SLC25A48: variants seen among roughly 807,000 people sequenced by gnomAD.
SLC25A48 encodes CTC-321K16.1.
A neutral mutation model predicts 32.2 loss-of-function variants in SLC25A48; 29 were observed. The observed-to-expected ratio is 0.90, with a 90% CI of 0.67 to 1.23. The LOEUF (loss-of-function observed/expected upper bound fraction) is 1.23, where lower values mean the gene tolerates loss of function less well. Among genes scored for constraint, SLC25A48 ranks in the 50% most tolerant of loss-of-function variants. The probability of loss-of-function intolerance (pLI) is 0.00; values close to 1 mark genes in which losing one functional copy is unlikely to be tolerated. For synonymous variants in SLC25A48, 164 were observed against 172.3 expected, an observed-to-expected ratio of 0.95 and a Z score of 0.38; for missense variants, 399 against 422.7, an observed-to-expected ratio of 0.94 and a Z score of 0.49.
At chr5:135,619,718 T>G (rs1752278042) in intron 1 of SLC25A48, among the ~76,000 whole-genome samples, 1 of 152,160 alleles carries the variant, frequency 6.6e-6, no homozygotes, top group African/African-American at 2.4e-5. Context: ...TGATTCTGGG[T>G]GTGTTCAATA....
chr5:135,858,294 CATT>C (rs1244409703), intron 4 of SLC25A48, among the ~76,000 whole-genome samples: 8 of 152,192 alleles, frequency 5.3e-5, no homozygotes, highest in African/African-American at 1.9e-4. Flanking sequence ...AGCTTTGAGC[CATT>C]AGAACCTGGG....
intron 3 of SLC25A48, among the ~76,000 whole-genome samples, chr5:135,687,088 G>T (rs1417764376): frequency 6.6e-6 from 1 of 152,060 alleles, no homozygotes; most frequent in African/African-American, 2.4e-5. Context: ...CATGCCCAAA[G>T]ATCATGAAGT....
intron 3 of SLC25A48, among the ~76,000 whole-genome samples, chr5:135,784,577 A>T (rs1208762231): frequency 8.5e-6 from 1 of 118,178 alleles, no homozygotes; most frequent in African/African-American, 2.6e-5. Flanking sequence ...CCACCACGTG[A>T]TATTGTTTCT....
chr5:135,695,279 C>T (rs558654870), intron 3 of SLC25A48, among the ~76,000 whole-genome samples: 25 of 130,824 alleles, frequency 1.9e-4, no homozygotes, highest in African/African-American at 6.2e-4. Flanking sequence ...GCTCTGTCTT[C>T]GCAGCCATCT....
chr5:135,685,200 C>CT (rs976529017), intron 3 of SLC25A48, among the ~76,000 whole-genome samples: 21 of 151,426 alleles, frequency 1.4e-4, no homozygotes, highest in African/African-American at 4.8e-4. Context: ...ATTTGCATCT[C>CT]TTTTTTTTCT....
At position 135,871,819 on chromosome 5, in the gene SLC25A48, C is replaced by T. The variant is rs779358509; in HGVS notation, c.679+101C>T. 21 of 1,564,338 alleles carry T rather than the reference C, an allele frequency of 1.3e-5. No homozygotes were observed. In the African/African-American group the frequency reaches 2.2e-4, roughly 16 times the overall value. ...TTCTCAGCCCAGGGGGAGGGCAGGA[C>T]ACATTTAGGTACTCACCCAACAATT... On this transcript the variant is annotated intron_variant, in intron 5 of 7. Coordinates refer to ENST00000681962, the MANE Select transcript of SLC25A48 (RefSeq NM_001349336.2).
At chr5:135,652,350 C>T (rs1319853663) in intron 3 of SLC25A48, 3 of 455,514 alleles carry the variant, frequency 6.6e-6, no homozygotes, top group Non-Finnish European at 1.3e-5. Context: ...TAGAAATCGA[C>T]TTACCTTCTT....
intron 3 of SLC25A48, among the ~76,000 whole-genome samples, chr5:135,718,765 G>C (rs1378798494): frequency 6.6e-6 from 1 of 151,900 alleles, no homozygotes; most frequent in Non-Finnish European, 1.5e-5. Context: ...GTTACTTACT[G>C]TATGATTCCA....
chr5:135,651,266 A>G (rs1225302761), intron 3 of SLC25A48, among the ~76,000 whole-genome samples: 1 of 151,934 alleles, frequency 6.6e-6, no homozygotes, highest in African/African-American at 2.4e-5. Flanking sequence ...GGGCTTTTTG[A>G]GCTCCTATAG....
At position 135,819,153 on chromosome 5, in the gene SLC25A48, T is replaced by TA. The variant is rs1175700102; in HGVS notation, c.-117+6238dup. The stretch of plus-strand genomic sequence containing the variant: ...TCCCAGAAGGCGAGAAGAAATAGGC[T>TA]AAAAAAAAAAATTTGACAAAATAAA... On this transcript the variant is annotated intron_variant, in intron 4 of 10. Coordinates refer to the SLC25A48 transcript ENST00000646290. Among the ~76,000 whole-genome samples, 1,118 of 145,238 alleles carry TA rather than the reference T, an allele frequency of 7.7e-3. 12 individuals are homozygous for TA. Among genetic ancestry groups the TA allele is most frequent in the African/African-American group, 0.025 (1,010 of 39,728 alleles).
chr5:135,740,546 A>G (rs1755477258), intron 3 of SLC25A48, among the ~76,000 whole-genome samples: 1 of 152,194 alleles, frequency 6.6e-6, no homozygotes, highest in African/African-American at 2.4e-5. Context: ...TTATTTGTGC[A>G]TGAGAATGAA....
intron 3 of SLC25A48, among the ~76,000 whole-genome samples, chr5:135,722,008 T>C (rs1202478707): frequency 1.3e-5 from 2 of 152,278 alleles, no homozygotes; most frequent in African/African-American, 4.8e-5. Flanking sequence ...TCCCCAAGGC[T>C]GTTCCAAAGC....
intron 3 of SLC25A48, 41 bp downstream of exon 3, chr5:135,850,537 C>T: frequency 6.3e-7 from 1 of 1,592,730 alleles, no homozygotes. Context: ...CCTGCCTGGG[C>T]CCCCACAGGC....
intron 3 of SLC25A48, among the ~76,000 whole-genome samples, chr5:135,700,371 C>CAAAAAAAAAAAAAAAA (rs34125451): frequency 2.2e-4 from 15 of 67,938 alleles, no homozygotes; most frequent in South Asian, 8.0e-4. Flanking sequence ...GACTCTGTCT[C>CAAAAAAAAAAAAAAAA]AAAAAAAAAA....
intron 3 of SLC25A48, among the ~76,000 whole-genome samples, chr5:135,639,100 G>A (rs1401648407): frequency 1.3e-5 from 2 of 152,144 alleles, no homozygotes; most frequent in Non-Finnish European, 2.9e-5. Context: ...CGAAAAATAT[G>A]CGGCCCAAAA....
intron 3 of SLC25A48, among the ~76,000 whole-genome samples, chr5:135,653,564 C>G (rs990699646): frequency 6.6e-6 from 1 of 152,168 alleles, no homozygotes; most frequent in Non-Finnish European, 1.5e-5. Context: ...CCATAGATAT[C>G]AATTATAACC....
rs1013836919 is a variant in SLC25A48, at chr5:135,885,825, C to A, written c.*8-2207C>A. 2.0e-5 allele frequency among the ~76,000 whole-genome samples: 3 copies of A among 152,190 alleles called. No homozygotes were observed. The East Asian group carries it at 5.8e-4, about 29-fold the overall frequency. On this transcript the variant is annotated intron_variant, in intron 7 of 7. Coordinates refer to ENST00000681962, the MANE Select transcript of SLC25A48 (RefSeq NM_001349336.2). ...TAGAAGAGGGGGTTGAACAAACAGC[C>A]ACTAAAAAGAATGAGATAGATCTCA...
chr5:135,845,530 A>G (rs1360442868), intron 2 of SLC25A48, among the ~76,000 whole-genome samples: 2 of 152,120 alleles, frequency 1.3e-5, no homozygotes, highest in Non-Finnish European at 2.9e-5. Context: ...GTCCACCAAG[A>G]AAGGGCCAGG....
chr5:135,876,286 C>T (rs1046123115), intron 6 of SLC25A48: 8 of 151,560 alleles, frequency 5.3e-5, no homozygotes, highest in Admixed American at 2.6e-4. Context: ...TGTCATAATT[C>T]GTAAAAAGTC....
Sources: allele counts gnomAD v4.1 joint callset (sites outside exome capture counted in the v4.1 genomes callset), GRCh38; gene constraint gnomAD v4.1.1; transcripts MANE v1.5; gene names NCBI Gene and HGNC (gene_info 2026-07-23, HGNC 2026-07-21).